Variants in MAST3 observed in about 807,000 individuals in gnomAD.
MAST3 encodes microtubule associated serine/threonine kinase 3, also known as microtubule-associated serine/threonine-protein kinase 3.
A neutral mutation model predicts 127.0 loss-of-function variants in MAST3; 43 were observed. The observed-to-expected ratio is 0.34, with a 90% CI of 0.27 to 0.44. MAST3 has a LOEUF of 0.44. Among genes scored for constraint, MAST3 ranks in the 20% least tolerant of loss-of-function variants. The pLI, the probability that MAST3 is intolerant of heterozygous loss-of-function variation, is 1.00. For synonymous variants in MAST3, 785 were observed against 809.2 expected (o/e 0.97, Z 0.51); for missense variants, 1,390 against 1,919.1 (o/e 0.72, Z 5.15).
Position 18,137,337 on chromosome 19 carries a change from G to A in MAST3, c.2071G>A (p.Glu691Lys), listed in dbSNP as rs748011253. 3 of 1,613,710 alleles carry A rather than the reference G, an allele frequency of 1.9e-6. No individual in the cohort carries two copies. The highest frequency in any genetic ancestry group is 1.1e-5 in the South Asian group (1 of 91,076). The part of the protein sequence containing the change: ...KAEFVPQLEA[E>K]DDTSYFDTRS... The stretch of plus-strand genomic sequence containing the variant: ...CGAGTTCGTGCCCCAGCTCGAAGCT[G>A]AGGATGATACCAGCTACTTTGACAG... The change falls in exon 19 of 28, where the codon GAG becomes AAG. Residue 691 changes from glutamate to lysine, a missense_variant. Glu to Lys is a moderately conservative substitution (Grantham distance 56). Coordinates refer to ENST00000687212, the MANE Select transcript of MAST3 (RefSeq NM_001393504.1).
At chr19:18,109,079 G>A (rs2038296477) in intron 2 of MAST3, among the ~76,000 whole-genome samples, 1 of 152,186 alleles carries the variant, frequency 6.6e-6, no homozygotes, top group South Asian at 2.1e-4. Flanking sequence ...GGAGGAGCTG[G>A]CAGCGGGGAA....
chr19:18,149,008 G>T lies in MAST3; in HGVS notation c.3509-183G>T, dbSNP rs2043320400. Among the ~76,000 whole-genome samples, 2 of 152,036 alleles carry T rather than the reference G, an allele frequency of 1.3e-5. No homozygotes were observed. The highest frequency in any genetic ancestry group is 4.8e-5 in the African/African-American group (2 of 41,374). On this transcript the variant is annotated intron_variant, in intron 27 of 27. Coordinates refer to ENST00000687212, the MANE Select transcript of MAST3 (RefSeq NM_001393504.1). The surrounding 1 kb of genome is among the most constrained non-coding windows in gnomAD (Gnocchi z 5.9). ...AGCCCAGGAGGTTGAGGCTATGATT[G>T]AGCCAGTGCACTACAGTCTGGGCAA...
Position 18,123,548 on chromosome 19 carries a change from C to T in MAST3, c.558-32C>T, listed in dbSNP as rs376265418. On this transcript the variant is annotated intron_variant, in intron 7 of 27. Transcript: ENST00000687212. ...TCCTCCCCTGGGGTTGGTCTCAGGTCCCATATCACAAGCCAGCTGTCTTCC... is the reference window on the plus strand; with the variant it reads ...TCCTCCCCTGGGGTTGGTCTCAGGTTCCATATCACAAGCCAGCTGTCTTCC... 609 of 1,511,968 alleles carry T rather than the reference C, an allele frequency of 4.0e-4. 2 individuals are homozygous for T. The highest frequency in any genetic ancestry group is 1.2e-3 in the Middle Eastern group (7 of 5,736). 93.7% of individuals were successfully genotyped at this position (1,511,968 alleles called of 1,614,324 possible). A position where few individuals can be genotyped will look rare whatever the true frequency, so the allele number is the denominator to read the frequency against.
chr19:18,149,129 G>C lies in MAST3; in HGVS notation c.3509-62G>C. 1 of 1,411,938 alleles carries C rather than the reference G, an allele frequency of 7.1e-7. No homozygotes were observed. The highest frequency in any genetic ancestry group is 9.2e-7 in the Non-Finnish European group (1 of 1,083,112). 87.5% of individuals were successfully genotyped at this position (1,411,938 alleles called of 1,614,324 possible). On this transcript the variant is annotated intron_variant, in intron 27 of 27. Coordinates refer to ENST00000687212, the MANE Select transcript of MAST3 (RefSeq NM_001393504.1). The surrounding 1 kb of genome is among the most constrained non-coding windows in gnomAD (Gnocchi z 5.9). Reference sequence around the variant, plus strand: ...TTTAGCAGTTTTTGTCAGTCCCACAGCTCCACTTCTGGGCTGGGGACATTG... The same window carrying C: ...TTTAGCAGTTTTTGTCAGTCCCACACCTCCACTTCTGGGCTGGGGACATTG...
intron 1 of MAST3, among the ~76,000 whole-genome samples, chr19:18,103,483 A>C (rs2037818837): frequency 6.6e-6 from 1 of 152,132 alleles, no homozygotes; most frequent in African/African-American, 2.4e-5. Flanking sequence ...GGTTGCAGTG[A>C]GACAAGATCG....
At chr19:18,128,600 G>C in intron 12 of MAST3, 142 bp downstream of exon 12, 1 of 907,736 alleles carries the variant, frequency 1.1e-6, no homozygotes, top group South Asian at 1.6e-5. Context: ...GTGACGGCAC[G>C]TGGGACTGCC....
In MAST3 at chr19:18,147,444, C is replaced by A; in HGVS notation, c.3328C>A (p.Arg1110=). The change falls in exon 27 of 28, where the codon CGG becomes AGG. Residue 1110 remains arginine, a splice_region_variant and synonymous_variant. Transcript: ENST00000687212. ...AAGCCTCCGGTTTTCTTACCCCAGG[C>A]GGAAGTCACTTTTCAAGAAGATCTC... The part of the protein sequence containing the change: ...RCAAVTTRER[R]KSLFKKISKQ... 1 of 1,612,986 alleles carries A rather than the reference C, an allele frequency of 6.2e-7. No homozygotes were observed.
rs1052674009 is a variant in MAST3, at chr19:18,120,313, G to T, written c.162-1372G>T. Among the ~76,000 whole-genome samples the T allele has an allele frequency of 1.4e-4, 21 of 152,204 alleles. No homozygotes were observed. In the South Asian group the frequency reaches 2.1e-3, roughly 15 times the overall value. On this transcript the variant is annotated intron_variant, in intron 3 of 27. Transcript: ENST00000687212. ...CTTCAAGAGGGGTATATAGAATGGG[G>T]TGTCTCAGCCCATATCTGGGCTCCA...
At chr19:18,107,940 T>C (rs1270917201) in intron 2 of MAST3, among the ~76,000 whole-genome samples, 1 of 152,166 alleles carries the variant, frequency 6.6e-6, no homozygotes, top group African/African-American at 2.4e-5. Context: ...GTATTAGAAC[T>C]GGCTTGAATG....
At chr19:18,143,053 A>G (rs2042672349) in intron 21 of MAST3, among the ~76,000 whole-genome samples, 1 of 150,132 alleles carries the variant, frequency 6.7e-6, no homozygotes, top group Non-Finnish European at 1.5e-5. Context: ...CGGAGGTTAC[A>G]GTGAGCCAAG....
Position 18,123,978 on chromosome 19 carries a change from A to C in MAST3, c.673A>C (p.Thr225Pro), listed in dbSNP as rs935511189. 24 of 1,583,888 alleles carry C rather than the reference A, an allele frequency of 1.5e-5. No individual in the cohort carries two copies. Among genetic ancestry groups the C allele is most frequent in the Non-Finnish European group, 1.9e-5 (22 of 1,167,692 alleles). Residue 225 changes from threonine (T) to proline (P), a missense_variant, in exon 9 of 28, where the codon ACG becomes CCG. Transcript: ENST00000687212. Reference sequence around the variant, plus strand: ...GGAGGGCCGTCTGCAGGAGTTCCTGACGGCCTACGCGCCCGGCGCCCGGCT... The same window carrying C: ...GGAGGGCCGTCTGCAGGAGTTCCTGCCGGCCTACGCGCCCGGCGCCCGGCT... ...QMEGRLQEFL[T>P]AYAPGARLAL...
At chr19:18,123,085 G>A (rs146871642) in intron 6 of MAST3, 132 bp from the exon 7 acceptor site, 22 of 960,306 alleles carry the variant, frequency 2.3e-5, no homozygotes, top group Admixed American at 5.8e-5. Flanking sequence ...GGATGCATAG[G>A]AGCTAGGCAG....
chr19:18,111,883 G>A (rs947195750), intron 3 of MAST3, among the ~76,000 whole-genome samples: 1 of 152,178 alleles, frequency 6.6e-6, no homozygotes, highest in African/African-American at 2.4e-5. Flanking sequence ...TGGGCAACAG[G>A]GAGGTACCTT....
Position 18,139,721 on chromosome 19 carries a change from A to G in MAST3, c.2205+597A>G, listed in dbSNP as rs377407844. On this transcript the variant is annotated intron_variant, in intron 20 of 27. Transcript: ENST00000687212. ...CATGATCTGCCCGCCTCGGCCTCCT[A>G]AAGCGCTGGGATTACAGGCATGAGC... is the stretch of plus-strand genomic sequence containing the variant. Among the ~76,000 whole-genome samples, 187 of 152,272 alleles carry G rather than the reference A, an allele frequency of 1.2e-3. 4 individuals are homozygous for G. In the South Asian group the frequency reaches 0.037, roughly 30 times the overall value.
At chr19:18,131,825 TGCATAGGCATTGG>T (rs1332833656) in intron 14 of MAST3, 71 bp from the exon 15 acceptor site, 19 of 1,441,294 alleles carry the variant, frequency 1.3e-5, no homozygotes, top group Admixed American at 4.0e-5. Flanking sequence ...GCGAGGAGGA[TGCATAGGCATTGG>T]GCATAACCTA....
intron 25 of MAST3, among the ~76,000 whole-genome samples, 160 bp downstream of exon 25, chr19:18,146,025 C>T (rs2042984264): frequency 6.6e-6 from 1 of 152,214 alleles, no homozygotes; most frequent in Non-Finnish European, 1.5e-5. Flanking sequence ...ACATGTCCTT[C>T]TTCAGCCCCC....
chr19:18,129,842 C>A (rs1219743170), intron 13 of MAST3, among the ~76,000 whole-genome samples: 3 of 150,392 alleles, frequency 2.0e-5, no homozygotes, highest in Non-Finnish European at 4.4e-5. Flanking sequence ...GGAGGATCAC[C>A]TGAACCCAGG....
intron 3 of MAST3, among the ~76,000 whole-genome samples, chr19:18,119,325 C>T (rs1315864635): frequency 2.0e-5 from 3 of 151,978 alleles, no homozygotes; most frequent in Non-Finnish European, 4.4e-5. Context: ...GCTGGTGGTG[C>T]AGTGTGGGGG....
At chr19:18,131,844 A>T in intron 14 of MAST3, 65 bp from the exon 15 acceptor site, 1 of 1,434,866 alleles carries the variant, frequency 7.0e-7, no homozygotes, top group Non-Finnish European at 9.4e-7. Context: ...ATTGGGCATA[A>T]CCTAAGGGGC....
Sources: gnomAD v4.1 joint callset for allele counts (sites outside exome capture counted in the v4.1 genomes callset) on GRCh38, gnomAD v4.1.1 for gene constraint, Gnocchi (gnomAD v3.1) non-coding constraint, MANE v1.5 for transcripts, NCBI Gene and HGNC (gene_info 2026-07-23, HGNC 2026-07-21) for gene names.